Variants in ATRNL1 observed in about 807,000 individuals in gnomAD.
ATRNL1 encodes attractin-like protein 1.
A neutral mutation model predicts 182.7 loss-of-function variants in ATRNL1; 95 were observed. The observed-to-expected ratio is 0.52, with a 90% CI of 0.44 to 0.62. The LOEUF (loss-of-function observed/expected upper bound fraction) is 0.62, where lower values mean the gene tolerates loss of function less well. Among genes scored for constraint, ATRNL1 ranks in the 20% least tolerant of loss-of-function variants. ATRNL1 has a pLI of 0.00. For missense variants in ATRNL1, 1,471 were observed against 1,679.5 expected (o/e 0.88, Z 2.17); for synonymous variants, 576 against 568.3 (o/e 1.01, Z -0.19).
At chr10:115,229,615 C>T (rs782741594) in intron 9 of ATRNL1, among the ~76,000 whole-genome samples, 4 of 151,428 alleles carry the variant, frequency 2.6e-5, no homozygotes, top group South Asian at 2.1e-4. Flanking sequence ...CATATAGTTG[C>T]GAAGTAAGAT....
chr10:115,486,149 TG>T (rs560418642), intron 24 of ATRNL1, among the ~76,000 whole-genome samples: 29 of 152,296 alleles, frequency 1.9e-4, no homozygotes, highest in Non-Finnish European at 3.2e-4. Flanking sequence ...CTATCATTGA[TG>T]AGCATTTGGG....
chr10:115,344,512 C>T (rs1285290083), intron 19 of ATRNL1, among the ~76,000 whole-genome samples: 1 of 152,148 alleles, frequency 6.6e-6, no homozygotes, highest in African/African-American at 2.4e-5. Context: ...TGGCCTGGGA[C>T]TCACCCTTTA....
At chr10:115,359,167 A>G (rs1437187982) in intron 19 of ATRNL1, among the ~76,000 whole-genome samples, 1 of 151,580 alleles carries the variant, frequency 6.6e-6, no homozygotes, top group Non-Finnish European at 1.5e-5. Flanking sequence ...TGTTCTTGTT[A>G]AGTCATAATT....
At chr10:115,326,159 T>C (rs571772846) in intron 18 of ATRNL1, among the ~76,000 whole-genome samples, 1 of 152,318 alleles carries the variant, frequency 6.6e-6, no homozygotes, top group South Asian at 2.1e-4. Flanking sequence ...TGTTTGCAGA[T>C]GACATGATTG....
intron 27 of ATRNL1, among the ~76,000 whole-genome samples, chr10:115,837,589 G>A (rs1054702593): frequency 1.3e-5 from 2 of 151,132 alleles, no homozygotes; most frequent in Non-Finnish European, 2.9e-5. Flanking sequence ...TCTGTTTGCT[G>A]TATAAGCAGA....
chr10:115,209,156 A>G (rs192082043), intron 8 of ATRNL1, among the ~76,000 whole-genome samples: 333 of 151,968 alleles, frequency 2.2e-3, no homozygotes, highest in Non-Finnish European at 3.9e-3. Flanking sequence ...AAAATGCTTC[A>G]CAGATGTTGG....
At chr10:115,921,565 C>A (rs988333024) in intron 28 of ATRNL1, among the ~76,000 whole-genome samples, 2 of 152,188 alleles carry the variant, frequency 1.3e-5, no homozygotes, top group Non-Finnish European at 2.9e-5. Context: ...TTCTGGTTTT[C>A]ACTGTATGAT....
At chr10:115,268,547 A>C in intron 13 of ATRNL1, 103 bp downstream of exon 13, 1 of 777,366 alleles carries the variant, frequency 1.3e-6, no homozygotes, top group East Asian at 2.5e-5. Context: ...CACTTTACAC[A>C]TTAAGACATT....
chr10:115,494,812 G>A (rs531538777), intron 24 of ATRNL1, among the ~76,000 whole-genome samples: 2 of 152,080 alleles, frequency 1.3e-5, no homozygotes, highest in African/African-American at 2.4e-5. Flanking sequence ...TTTTTTCATT[G>A]TGTCTTTGCC....
In ATRNL1 at chr10:115,496,218, G is replaced by A. The variant is rs1387739533; in HGVS notation, c.3655-23045G>A. On this transcript the variant is annotated intron_variant, in intron 24 of 28. Coordinates refer to ENST00000355044, the MANE Select transcript of ATRNL1 (RefSeq NM_207303.4). ...TTTGAGCCTATGGGTGTCATTGCACGTAAGATGGGTCAGCATGTAAGCTGG... is the reference window on the plus strand; with the variant it reads ...TTTGAGCCTATGGGTGTCATTGCACATAAGATGGGTCAGCATGTAAGCTGG... Among the ~76,000 whole-genome samples the A allele has an allele frequency of 3.9e-5, 6 of 152,088 alleles. No individual in the cohort carries two copies. The East Asian group carries it at 9.6e-4, about 24-fold the overall frequency.
intron 28 of ATRNL1, among the ~76,000 whole-genome samples, chr10:115,906,862 T>G (rs542337811): frequency 1.3e-5 from 2 of 152,310 alleles, no homozygotes; most frequent in African/African-American, 4.8e-5. Flanking sequence ...AAACTACTTA[T>G]GTACCAGCGC....
At chr10:115,850,764 C>T (rs1310146280) in intron 28 of ATRNL1, among the ~76,000 whole-genome samples, 1 of 152,176 alleles carries the variant, frequency 6.6e-6, no homozygotes, top group African/African-American at 2.4e-5. Flanking sequence ...GTAAAATGAG[C>T]AACAGAGTTC....
At chr10:115,885,810 T>C (rs1951931589) in intron 28 of ATRNL1, among the ~76,000 whole-genome samples, 1 of 152,194 alleles carries the variant, frequency 6.6e-6, no homozygotes, top group South Asian at 2.1e-4. Context: ...ATCTGTAATA[T>C]TGGTAGTCCC....
At chr10:115,304,771 C>T (rs370676165) in intron 17 of ATRNL1, among the ~76,000 whole-genome samples, 11 of 152,098 alleles carry the variant, frequency 7.2e-5, no homozygotes, top group South Asian at 2.1e-4. Flanking sequence ...ATATGTGGGG[C>T]GGCCATATTC....
chr10:115,125,498 T>TA (rs1182753895), intron 3 of ATRNL1, among the ~76,000 whole-genome samples: 36 of 145,908 alleles, frequency 2.5e-4, no homozygotes, highest in Non-Finnish European at 3.8e-4. Context: ...GAAGTGTTAT[T>TA]TTTTTTTTTT....
chr10:115,122,822 G>A (rs1554872153), intron 3 of ATRNL1, among the ~76,000 whole-genome samples: 1 of 152,088 alleles, frequency 6.6e-6, no homozygotes, highest in Non-Finnish European at 1.5e-5. Flanking sequence ...ATAGCCATAA[G>A]CAGCCCTTCA....
At chr10:115,542,456 G>A (rs537024148) in intron 25 of ATRNL1, among the ~76,000 whole-genome samples, 1 of 152,122 alleles carries the variant, frequency 6.6e-6, no homozygotes, top group South Asian at 2.1e-4. Flanking sequence ...TTGTGCCAAT[G>A]CCATTTATTG....
chr10:115,713,705 C>CTATCTATCT (rs1555055340), intron 26 of ATRNL1, among the ~76,000 whole-genome samples: 8 of 101,300 alleles, frequency 7.9e-5, no homozygotes, highest in African/African-American at 2.7e-4. Flanking sequence ...ATCTATCTAT[C>CTATCTATCT]ATCTATCTAT....
In ATRNL1 at chr10:115,928,957, C is replaced by T. The variant is rs577816895; in HGVS notation, c.4019-15701C>T. ...TTAAATTCACTTCAATGTGATTGTCCAAAACAAAGTTATTTTCAAACTCAC... is the reference window on the plus strand; with the variant it reads ...TTAAATTCACTTCAATGTGATTGTCTAAAACAAAGTTATTTTCAAACTCAC... On this transcript the variant is annotated intron_variant, in intron 28 of 28. Transcript: ENST00000355044. Among the ~76,000 whole-genome samples, 25 of 151,888 alleles carry T rather than the reference C, an allele frequency of 1.6e-4. 1 individual carries two copies. The South Asian group carries it at 4.8e-3, about 29-fold the overall frequency.
Sources: allele counts gnomAD v4.1 joint callset (sites outside exome capture counted in the v4.1 genomes callset), GRCh38; gene constraint gnomAD v4.1.1; transcripts MANE v1.5; gene names NCBI Gene and HGNC (gene_info 2026-07-23, HGNC 2026-07-21).